The following UGT1A8 variants were observed in gnomAD, a reference collection of about 807,000 sequenced individuals.
The protein encoded by UGT1A8 is UDP-glucuronosyltransferase 1A8.
UGT1A8 carries 39 observed loss-of-function variants against 45.3 expected under a neutral mutation model. That is an observed-to-expected ratio of 0.86 (90% confidence interval 0.67 to 1.12). The LOEUF (loss-of-function observed/expected upper bound fraction) is 1.12, where lower values mean the gene tolerates loss of function less well. UGT1A8 is among the 50% of genes most tolerant of loss of function. UGT1A8 has a pLI of 0.00. For synonymous variants in UGT1A8, 275 were observed against 249.2 expected (o/e 1.10, Z -0.97); for missense variants, 719 against 664.9 (o/e 1.08, Z -0.90).
chr2:233,668,045 A>T lies in UGT1A8; in HGVS notation c.855+49483A>T, dbSNP rs115875468. 9.1e-3 allele frequency among the ~76,000 whole-genome samples: 1,255 copies of T among 138,626 alleles called. 9 individuals are homozygous for T. Among genetic ancestry groups the T allele is most frequent in the African/African-American group, 0.034 (1,179 of 34,774 alleles). 90.9% of individuals were successfully genotyped at this position (138,626 alleles called of 152,430 possible). A position where few individuals can be genotyped will look rare whatever the true frequency, so the allele number is the denominator to read the frequency against. On this transcript the variant is annotated intron_variant, in intron 1 of 4. Transcript: ENST00000373450. The stretch of plus-strand genomic sequence containing the variant: ...CCAGTTTCCCCTATTGCTAAATGTT[A>T]GTTTACTGTGCACATTTTTTTTTAT...
chr2:233,635,759 G>C (rs1168966548), intron 1 of UGT1A8, among the ~76,000 whole-genome samples: 1 of 150,928 alleles, frequency 6.6e-6, no homozygotes, highest in African/African-American at 2.5e-5. Context: ...CTGGAGTGAT[G>C]GTGTGTTTAG....
At chr2:233,747,007 G>C (rs1207556963) in intron 1 of UGT1A8, among the ~76,000 whole-genome samples, 1 of 151,856 alleles carries the variant, frequency 6.6e-6, no homozygotes, top group South Asian at 2.1e-4. Context: ...TTTCAAGTAG[G>C]AGTGATCGGT....
chr2:233,631,148 T>C (rs1262286931), intron 1 of UGT1A8, among the ~76,000 whole-genome samples: 2 of 152,212 alleles, frequency 1.3e-5, no homozygotes, highest in Non-Finnish European at 2.9e-5. Flanking sequence ...GCTTCATCCA[T>C]GTCCCTGCAA....
At chr2:233,729,329 A>G in intron 1 of UGT1A8, 1 of 1,614,260 alleles carries the variant, frequency 6.2e-7, no homozygotes, top group East Asian at 2.2e-5. Flanking sequence ...GTGAATATGC[A>G]CATCAAAGAA....
chr2:233,682,232 A>G (rs1575428542), intron 1 of UGT1A8: 6 of 1,614,176 alleles, frequency 3.7e-6, no homozygotes, highest in East Asian at 2.2e-5. Context: ...TGCTCGCTGG[A>G]CGGCACCATT....
intron 1 of UGT1A8, among the ~76,000 whole-genome samples, chr2:233,622,188 C>T (rs1398200976): frequency 3.9e-5 from 6 of 152,126 alleles, no homozygotes; most frequent in Non-Finnish European, 8.8e-5. Flanking sequence ...CTGCAATAAA[C>T]ATACGTGTGC....
chr2:233,701,912 C>A (rs1291410680), intron 1 of UGT1A8, among the ~76,000 whole-genome samples: 2 of 152,020 alleles, frequency 1.3e-5, no homozygotes, highest in Non-Finnish European at 1.5e-5. Context: ...AAAATTGACA[C>A]CCTAACATCA....
chr2:233,648,658 G>T (rs1329949204), intron 1 of UGT1A8: 14 of 273,012 alleles, frequency 5.1e-5, no homozygotes, highest in Middle Eastern at 7.8e-4. Flanking sequence ...TGGAGACGGG[G>T]TTTCACCGTG....
At chr2:233,633,738 G>T (rs1430441449) in intron 1 of UGT1A8, among the ~76,000 whole-genome samples, 1 of 151,914 alleles carries the variant, frequency 6.6e-6, no homozygotes, top group Non-Finnish European at 1.5e-5. Context: ...TATCTATTTT[G>T]TTAATCTTTT....
At chr2:233,711,268 G>T (rs1198771284) in intron 1 of UGT1A8, among the ~76,000 whole-genome samples, 1 of 152,206 alleles carries the variant, frequency 6.6e-6, no homozygotes, top group African/African-American at 2.4e-5. Context: ...CCTCCCCAGG[G>T]TCTAGGAGTC....
chr2:233,725,910 A>G (rs538515194), intron 1 of UGT1A8, among the ~76,000 whole-genome samples: 2 of 152,318 alleles, frequency 1.3e-5, no homozygotes, highest in East Asian at 3.9e-4. Context: ...TCACACCTGC[A>G]ATTTCAGCCC....
intron 1 of UGT1A8, among the ~76,000 whole-genome samples, chr2:233,735,916 G>T (rs182665210): frequency 5.9e-5 from 9 of 152,142 alleles, no homozygotes; most frequent in Admixed American, 5.9e-4. Context: ...TGGGTAACCC[G>T]ACCTTTCTCT....
intron 1 of UGT1A8, among the ~76,000 whole-genome samples, chr2:233,679,192 T>C (rs914040206): frequency 6.6e-6 from 1 of 152,214 alleles, no homozygotes; most frequent in Non-Finnish European, 1.5e-5. Context: ...ACACCTTCAG[T>C]GTTGAACTTG....
At chr2:233,755,148 T>TAGC in intron 1 of UGT1A8, 2 of 1,299,464 alleles carry the variant, frequency 1.5e-6, no homozygotes, top group East Asian at 9.2e-5. Context: ...TCTCACCGCT[T>TAGC]CCTCCCTGTC....
intron 1 of UGT1A8, chr2:233,760,357 G>A (rs1697415689): frequency 6.2e-7 from 1 of 1,613,982 alleles, no homozygotes; most frequent in African/African-American, 1.3e-5. Flanking sequence ...GGGCCCAGTG[G>A]TGTCCCATGC....
chr2:233,637,269 A>T (rs1027526130), intron 1 of UGT1A8: 2 of 1,613,788 alleles, frequency 1.2e-6, no homozygotes, highest in Admixed American at 1.7e-5. Flanking sequence ...GTCACACATC[A>T]ATTTGGTTGT....
chr2:233,647,119 A>C (rs1346539001), intron 1 of UGT1A8, among the ~76,000 whole-genome samples: 1 of 152,154 alleles, frequency 6.6e-6, no homozygotes, highest in Non-Finnish European at 1.5e-5. Context: ...AAACCACCAG[A>C]TCTCGTGAGA....
chr2:233,694,362 G>T (rs907491363), intron 1 of UGT1A8, among the ~76,000 whole-genome samples: 4 of 151,882 alleles, frequency 2.6e-5, no homozygotes, highest in Non-Finnish European at 5.9e-5. Context: ...GCTAAGAATG[G>T]TTTTTGTAGT....
intron 1 of UGT1A8, among the ~76,000 whole-genome samples, chr2:233,659,296 C>G (rs1201559147): frequency 6.6e-6 from 1 of 152,092 alleles, no homozygotes; most frequent in Non-Finnish European, 1.5e-5. Flanking sequence ...TCATTTTGAC[C>G]CCCATAACTT....
Sources: gnomAD v4.1 joint callset for allele counts (sites outside exome capture counted in the v4.1 genomes callset) on GRCh38, gnomAD v4.1.1 for gene constraint, MANE v1.5 for transcripts, NCBI Gene and HGNC (gene_info 2026-07-23, HGNC 2026-07-21) for gene names.